The following SREBF1 variants were observed in gnomAD, a reference collection of about 807,000 sequenced individuals.
SREBF1 encodes sterol regulatory element-binding protein 1.
SREBF1 carries 45 observed loss-of-function variants against 100.1 expected under a neutral mutation model. That is an observed-to-expected ratio of 0.45 (90% CI 0.35 to 0.58). The LOEUF is 0.58. Among genes scored for constraint, SREBF1 ranks in the 20% least tolerant of loss-of-function variants. The pLI is 0.00. For synonymous variants in SREBF1, 657 were observed against 681.8 expected (o/e 0.96, Z 0.57); for missense variants, 1,324 against 1,539.4 (o/e 0.86, Z 2.34).
In SREBF1 at chr17:17,812,304, C is replaced by A; in HGVS notation, c.*318G>T. On this transcript the variant is annotated 3_prime_UTR_variant, in exon 19 of 19. Transcript: ENST00000261646. ...CTTCCGTCAGCACAGGGAAATGTAC[C>A]CCTCTCTTCCCTGTACACAGGAGGA... The A allele has an allele frequency of 4.1e-6, 2 of 492,134 alleles. No individual in the cohort carries two copies. The highest frequency in any genetic ancestry group is 3.7e-5 in the Admixed American group (1 of 26,916). 30.5% of individuals were successfully genotyped at this position (492,134 alleles called of 1,614,324 possible). A position where few individuals can be genotyped will look rare whatever the true frequency, so the allele number is the denominator to read the frequency against.
In SREBF1 at chr17:17,812,517, G is replaced by A. The variant is rs995118196; in HGVS notation, c.*105C>T. The A allele has an allele frequency of 1.7e-6, 2 of 1,198,116 alleles. No individual in the cohort carries two copies. Among genetic ancestry groups the A allele is most frequent in the African/African-American group, 3.1e-5 (2 of 65,294 alleles). 74.2% of individuals were successfully genotyped at this position (1,198,116 alleles called of 1,614,324 possible). On this transcript the variant is annotated 3_prime_UTR_variant, in exon 19 of 19. Coordinates refer to ENST00000261646, the MANE Select transcript of SREBF1 (RefSeq NM_004176.5). The stretch of plus-strand genomic sequence containing the variant: ...GCCGCAGGTCGAACTGTGGAGGCCA[G>A]AGTCTCTTGCACTGCCTTCGGCCTT...
At chr17:17,823,319 C>G (rs1160536752) in intron 1 of SREBF1, among the ~76,000 whole-genome samples, 1 of 152,272 alleles carries the variant, frequency 6.6e-6, no homozygotes, top group African/African-American at 2.4e-5. Context: ...ACCCTTCCCC[C>G]TTGAGTTGCA....
chr17:17,812,855 C>A lies in SREBF1; in HGVS notation c.3215-4G>T. On this transcript the variant is annotated splice_region_variant and splice_polypyrimidine_tract_variant and intron_variant, in intron 18 of 18. Coordinates refer to ENST00000261646, the MANE Select transcript of SREBF1 (RefSeq NM_004176.5). ...GGCTCCAGCTCCGCCACCGCGCCTGCGCACACGAGGATGTGTCAGGGATGG... is the reference window on the plus strand; with the variant it reads ...GGCTCCAGCTCCGCCACCGCGCCTGAGCACACGAGGATGTGTCAGGGATGG... 6.8e-7 allele frequency: 1 copy of A among 1,473,416 alleles called. No homozygotes were observed. Among genetic ancestry groups the A allele is most frequent in the Non-Finnish European group, 8.9e-7 (1 of 1,121,110 alleles). 91.3% of individuals were successfully genotyped at this position (1,473,416 alleles called of 1,614,324 possible).
intron 1 of SREBF1, among the ~76,000 whole-genome samples, chr17:17,822,234 C>T (rs1738114073): frequency 6.6e-6 from 1 of 152,224 alleles, no homozygotes; most frequent in Non-Finnish European, 1.5e-5. Context: ...TTTTCTTGCC[C>T]CACTAAGAAG....
In SREBF1 at chr17:17,811,717, C is replaced by G; in HGVS notation, c.*905G>C. 2.2e-6 allele frequency: 1 copy of G among 454,714 alleles called. No homozygotes were observed. Among genetic ancestry groups the G allele is most frequent in the Non-Finnish European group, 4.4e-6 (1 of 226,186 alleles). The allele number at this position is 454,714 out of a possible 1,614,324, so 28.2% of individuals were successfully genotyped here. On this transcript the variant is annotated 3_prime_UTR_variant, in exon 19 of 19. Coordinates refer to ENST00000261646, the MANE Select transcript of SREBF1 (RefSeq NM_004176.5). ...CGTGCCAGACTTCTTGCAGGGAGAC[C>G]CAAGCTGTAGCTCCTGTCACACAAC...
At position 17,814,269 on chromosome 17, in the gene SREBF1, T is replaced by A; in HGVS notation, c.2877A>T (p.Thr959=). The change falls in exon 16 of 19, where the codon ACA becomes ACT. Residue 959 remains threonine, a synonymous_variant. Coordinates refer to ENST00000261646, the MANE Select transcript of SREBF1 (RefSeq NM_004176.5). ...SGYLQDSLAT[T]PASSSIDKAV... ...CCTTGTCAATGGAGCTGCTGGCTGG[T>A]GTGGTAGCCAGGCTGTCCTGCAGGT... 1 of 1,603,878 alleles carries A rather than the reference T, an allele frequency of 6.2e-7. No homozygotes were observed. The highest frequency in any genetic ancestry group is 8.5e-7 in the Non-Finnish European group (1 of 1,176,502).
intron 12 of SREBF1, 26 bp from the exon 13 acceptor site, chr17:17,815,355 G>A (rs749984492): frequency 5.7e-6 from 9 of 1,590,578 alleles, no homozygotes; most frequent in Non-Finnish European, 7.8e-6. Flanking sequence ...GGTGAGTGGG[G>A]TGGGGAGCAG....
intron 1 of SREBF1, among the ~76,000 whole-genome samples, chr17:17,833,418 C>T (rs1359993639): frequency 2.7e-4 from 12 of 44,788 alleles, no homozygotes; most frequent in African/African-American, 1.1e-3. Context: ...AAGACTCCGT[C>T]TCAAAAAAAA....
Position 17,830,491 on chromosome 17 carries a change from A to T in SREBF1, c.91+6236T>A, listed in dbSNP as rs766005344. ...ACCTGAAGGTTCTTGGACTTGTCCAAGGTCATACAGTAGGGCTGCTTGTTA... is the reference window on the plus strand; with the variant it reads ...ACCTGAAGGTTCTTGGACTTGTCCATGGTCATACAGTAGGGCTGCTTGTTA... On this transcript the variant is annotated intron_variant, in intron 1 of 18. Coordinates refer to ENST00000261646, the MANE Select transcript of SREBF1 (RefSeq NM_004176.5). 2.6e-4 allele frequency among the ~76,000 whole-genome samples: 39 copies of T among 152,366 alleles called. 1 individual carries two copies. Among genetic ancestry groups the T allele is most frequent in the East Asian group, 1.9e-4 (1 of 5,180 alleles).
rs2032962445 is a variant in SREBF1, at chr17:17,812,340, T to C, written c.*282A>G. The C allele has an allele frequency of 3.6e-6, 2 of 558,340 alleles. No individual in the cohort carries two copies. The highest frequency in any genetic ancestry group is 4.7e-4 in the Middle Eastern group (1 of 2,132). The allele number at this position is 558,340 out of a possible 1,614,324, so 34.6% of individuals were successfully genotyped here. The stretch of plus-strand genomic sequence containing the variant: ...CTGTACACAGGAGGAAAAAAGCCAC[T>C]AAGGTGCCTGCAGAGCAAGGAGGGG... On this transcript the variant is annotated 3_prime_UTR_variant, in exon 19 of 19. Coordinates refer to ENST00000261646, the MANE Select transcript of SREBF1 (RefSeq NM_004176.5).
intron 1 of SREBF1, among the ~76,000 whole-genome samples, chr17:17,825,905 C>T (rs1015583696): frequency 6.6e-6 from 1 of 152,164 alleles, no homozygotes; most frequent in African/African-American, 2.4e-5. Flanking sequence ...CATGAGTCAC[C>T]GTGCCAATTT....
chr17:17,818,396 G>C, intron 5 of SREBF1, 22 bp from the exon 6 acceptor site: 18 of 1,588,036 alleles, frequency 1.1e-5, no homozygotes, highest in Non-Finnish European at 1.6e-5. Flanking sequence ...GGGAGGGAGG[G>C]GGAGCGCACA....
At chr17:17,820,669 C>G in intron 1 of SREBF1, 148 bp from the exon 2 acceptor site, 1 of 878,696 alleles carries the variant, frequency 1.1e-6, no homozygotes, top group South Asian at 1.4e-5. Flanking sequence ...AGAAAGCCAC[C>G]CACAGGAGCT....
chr17:17,820,959 G>T (rs1383588536), intron 1 of SREBF1: 1 of 248,716 alleles, frequency 4.0e-6, no homozygotes, highest in Non-Finnish European at 8.0e-6. Flanking sequence ...GTGAGCATGT[G>T]CTGAGTGCTG....
At chr17:17,815,124 G>T in intron 13 of SREBF1, 97 bp downstream of exon 13, 1 of 1,325,596 alleles carries the variant, frequency 7.5e-7, no homozygotes, top group Non-Finnish European at 1.1e-6. Context: ...ACGCACGGTA[G>T]CCCAGCTCTG....
chr17:17,817,476 G>T lies in SREBF1; in HGVS notation c.1405-19C>A, dbSNP rs1472092905. ...GCTTTGCCTGGTGGGGTTGGGCAGGGTGGTGAGGGCAGAATCGGAGGGACC... is the reference window on the plus strand; with the variant it reads ...GCTTTGCCTGGTGGGGTTGGGCAGGTTGGTGAGGGCAGAATCGGAGGGACC... On this transcript the variant is annotated intron_variant, in intron 7 of 18. Transcript: ENST00000261646. The surrounding 1 kb of genome is among the most constrained non-coding windows in gnomAD (Gnocchi z 6.6). 10 of 1,571,978 alleles carry T rather than the reference G, an allele frequency of 6.4e-6. No individual in the cohort carries two copies. The Admixed American group carries it at 1.1e-4, about 18-fold the overall frequency.
In SREBF1 at chr17:17,836,784, C is replaced by T; in HGVS notation, c.34G>A (p.Glu12Lys). 2 of 1,559,682 alleles carry T rather than the reference C, an allele frequency of 1.3e-6. No homozygotes were observed. Among genetic ancestry groups the T allele is most frequent in the Non-Finnish European group, 1.7e-6 (2 of 1,160,554 alleles). The change falls in exon 1 of 19, where the codon GAG becomes AAG. Residue 12 changes from glutamate to lysine, a missense_variant. Coordinates refer to ENST00000261646, the MANE Select transcript of SREBF1 (RefSeq NM_004176.5). ...TCGCACGGCTCGCCCAGCGCCTGCTCCAAAGCCGCCTCGCTGAAGGGTGGC... is the reference window on the plus strand; with the variant it reads ...TCGCACGGCTCGCCCAGCGCCTGCTTCAAAGCCGCCTCGCTGAAGGGTGGC... Reference protein sequence around the residue: ...DEPPFSEAALEQALGEPCDLD... With the variant: ...DEPPFSEAALKQALGEPCDLD...
chr17:17,813,518 T>A, intron 17 of SREBF1, 39 bp from the exon 18 acceptor site: 1 of 1,589,252 alleles, frequency 6.3e-7, no homozygotes, highest in Non-Finnish European at 8.6e-7. Flanking sequence ...GCTCTCCATC[T>A]CCACCACTGC....
chr17:17,813,471 T>C lies in SREBF1; in HGVS notation c.3111A>G (p.Leu1037=). Residue 1037 remains leucine (L), a synonymous_variant, in exon 18 of 19, where the codon CTA becomes CTG. Coordinates refer to ENST00000261646, the MANE Select transcript of SREBF1 (RefSeq NM_004176.5). Reference sequence around the variant, plus strand: ...CCATCAGCCGGGCCGTGGCCTCATGTAGGAACACCTGGGGGCCAGGAGAGT... The same window carrying C: ...CCATCAGCCGGGCCGTGGCCTCATGCAGGAACACCTGGGGGCCAGGAGAGT... ...SFRPAMRRVF[L]HEATARLMAG... 8 of 1,600,396 alleles carry C rather than the reference T, an allele frequency of 5.0e-6. No homozygotes were observed. The highest frequency in any genetic ancestry group is 6.8e-6 in the Non-Finnish European group (8 of 1,173,854).
Sources: gnomAD v4.1 joint callset for allele counts (sites outside exome capture counted in the v4.1 genomes callset) on GRCh38, gnomAD v4.1.1 for gene constraint, Gnocchi (gnomAD v3.1) non-coding constraint, MANE v1.5 for transcripts, NCBI Gene and HGNC (gene_info 2026-07-23, HGNC 2026-07-21) for gene names.